The following KIF26B variants were observed in gnomAD, a reference collection of about 807,000 sequenced individuals.
The protein encoded by KIF26B is kinesin-like protein KIF26B.
In KIF26B, 63 loss-of-function variants were observed where a neutral mutation model predicts 151.2. The observed-to-expected ratio is 0.42, with a 90% CI of 0.34 to 0.51. The LOEUF is 0.51. Among genes scored for constraint, KIF26B ranks in the 20% least tolerant of loss-of-function variants. The probability of loss-of-function intolerance (pLI) is 0.07; values close to 1 mark genes in which losing one functional copy is unlikely to be tolerated. For missense variants in KIF26B, 2,813 were observed against 2,913.6 expected (o/e 0.97, Z 0.79); for synonymous variants, 1,357 against 1,262.1 (o/e 1.08, Z -1.59).
chr1:245,221,124 T>G (rs922718940), intron 2 of KIF26B, among the ~76,000 whole-genome samples: 10 of 151,026 alleles, frequency 6.6e-5, no homozygotes, highest in Non-Finnish European at 1.2e-4. Context: ...GGGAAATGAG[T>G]TTTTTTTTCT....
intron 3 of KIF26B, among the ~76,000 whole-genome samples, chr1:245,373,450 A>G (rs1418684053): frequency 2.0e-5 from 3 of 152,236 alleles, no homozygotes; most frequent in Admixed American, 2.0e-4. Flanking sequence ...ATTTGAAAGG[A>G]TAGAAGAGCT....
chr1:245,164,855 C>T (rs1668589447), intron 2 of KIF26B, among the ~76,000 whole-genome samples: 2 of 152,106 alleles, frequency 1.3e-5, no homozygotes, highest in South Asian at 4.1e-4. Flanking sequence ...GGTGGATCAC[C>T]TGAGGTCAGG....
intron 2 of KIF26B, among the ~76,000 whole-genome samples, chr1:245,351,019 A>C (rs755811019): frequency 1.3e-5 from 2 of 152,206 alleles, no homozygotes; most frequent in African/African-American, 2.4e-5. Flanking sequence ...GACTCCTCAC[A>C]TGTATTCTAA....
intron 3 of KIF26B, among the ~76,000 whole-genome samples, chr1:245,401,888 A>C (rs1380221123): frequency 1.4e-4 from 15 of 108,066 alleles, no homozygotes; most frequent in South Asian, 2.6e-4. Context: ...CAAACAAACA[A>C]AGAAACACAC....
At chr1:245,251,020 C>T (rs574689486) in intron 2 of KIF26B, among the ~76,000 whole-genome samples, 1 of 152,314 alleles carries the variant, frequency 6.6e-6, no homozygotes, top group African/African-American at 2.4e-5. Context: ...TTCCAAGAGT[C>T]TTCTCCAGTC....
Position 245,667,968 on chromosome 1 carries a change from T to A in KIF26B, c.2259-16265T>A, listed in dbSNP as rs770512246. 6.6e-6 allele frequency among the ~76,000 whole-genome samples: 1 copy of A among 152,322 alleles called. No homozygotes were observed. The highest frequency in any genetic ancestry group is 2.1e-4 in the South Asian group (1 of 4,822). On this transcript the variant is annotated intron_variant, in intron 10 of 14. Coordinates refer to ENST00000407071, the MANE Select transcript of KIF26B (RefSeq NM_018012.4). This position sits in a 1 kb window ranked among gnomAD's most constrained non-coding sequence, Gnocchi z 4.3. ...TGCAGTGCAGTGGCGCAATCTCAGC[T>A]CACTGCAACTTCCACCTCCCAGGTT... is the stretch of plus-strand genomic sequence containing the variant.
intron 2 of KIF26B, among the ~76,000 whole-genome samples, chr1:245,320,130 G>C (rs1671860246): frequency 6.6e-6 from 1 of 152,188 alleles, no homozygotes; most frequent in South Asian, 2.1e-4. Context: ...TGGAGGTTCA[G>C]AGCAGCAATG....
chr1:245,664,549 A>G (rs2044192829), intron 10 of KIF26B, among the ~76,000 whole-genome samples: 2 of 152,088 alleles, frequency 1.3e-5, no homozygotes, highest in South Asian at 4.2e-4. Flanking sequence ...ACACTTAATT[A>G]TTATTATTTC....
At chr1:245,681,885 T>G (rs1442630131) in intron 10 of KIF26B, among the ~76,000 whole-genome samples, 3 of 152,192 alleles carry the variant, frequency 2.0e-5, no homozygotes, top group Non-Finnish European at 2.9e-5. Context: ...TATTGACCAG[T>G]TGAAGAAACT....
chr1:245,652,145 T>TGTGTGTGTGTGTGTGTGTGGGA (rs368258830), intron 10 of KIF26B, among the ~76,000 whole-genome samples: 1 of 142,658 alleles, frequency 7.0e-6, no homozygotes, highest in African/African-American at 2.8e-5. Context: ...TGTGTGTGTG[T>TGTGTGTGTGTGTGTGTGTGGGA]GAGAGAGACA....
At position 245,698,956 on chromosome 1, in the gene KIF26B, G is replaced by A. The variant is rs996759727; in HGVS notation, c.6097G>A (p.Ala2033Thr). Residue 2033 changes from alanine to threonine, a missense_variant, in exon 14 of 15, where the codon GCG becomes ACG. Transcript: ENST00000407071. This position sits in a 1 kb window ranked among gnomAD's most constrained non-coding sequence, Gnocchi z 4.0. ...CCAGCAGAGGATCGCCGAGGTCCGCGCGAAGTACGAGTGGCTGATGAAGGA... is the reference window on the plus strand; with the variant it reads ...CCAGCAGAGGATCGCCGAGGTCCGCACGAAGTACGAGTGGCTGATGAAGGA... ...HRQQRIAEVR[A>T]KYEWLMKELE... is the part of the protein sequence containing the mutation. 8.7e-6 allele frequency: 14 copies of A among 1,613,912 alleles called. No individual in the cohort carries two copies. Among genetic ancestry groups the A allele is most frequent in the East Asian group, 2.2e-5 (1 of 44,890 alleles).
At chr1:245,388,367 G>A (rs944476137) in intron 3 of KIF26B, among the ~76,000 whole-genome samples, 1 of 152,180 alleles carries the variant, frequency 6.6e-6, no homozygotes, top group Admixed American at 6.5e-5. Context: ...TGAAACTAAA[G>A]TAGCACTTGC....
intron 2 of KIF26B, among the ~76,000 whole-genome samples, chr1:245,311,197 G>T (rs543474215): frequency 6.6e-6 from 1 of 152,196 alleles, no homozygotes; most frequent in Non-Finnish European, 1.5e-5. Context: ...CAGATGACCC[G>T]CATCTCTCGG....
At chr1:245,156,135 G>A in intron 1 of KIF26B, 147 bp from the exon 2 acceptor site, 1 of 1,201,896 alleles carries the variant, frequency 8.3e-7, no homozygotes, top group Non-Finnish European at 1.1e-6. Flanking sequence ...CAGACGGAGG[G>A]CAATTTGGCC....
At chr1:245,294,942 C>A (rs4658454) in intron 2 of KIF26B, among the ~76,000 whole-genome samples, 1 of 151,890 alleles carries the variant, frequency 6.6e-6, no homozygotes, top group Non-Finnish European at 1.5e-5. Flanking sequence ...GGATTACAGG[C>A]GTGAGCCACT....
rs1323710455 is a variant in KIF26B, at chr1:245,708,722, C to T, written c.*6116C>T. The T allele has an allele frequency of 6.6e-6, 1 of 152,200 alleles. No homozygotes were observed. The highest frequency in any genetic ancestry group is 1.5e-5 in the Non-Finnish European group (1 of 68,044). The allele number at this position is 152,200 out of a possible 1,614,324, so 9.4% of individuals were successfully genotyped here. On this transcript the variant is annotated 3_prime_UTR_variant, in exon 15 of 15. Transcript: ENST00000407071. ...TCCGTGATATATTACCTAACTCCTC[C>T]AGAACTCAGTTTTCTAACCTATAAA...
chr1:245,385,065 A>G (rs767484601), intron 3 of KIF26B, among the ~76,000 whole-genome samples: 1 of 152,030 alleles, frequency 6.6e-6, no homozygotes, highest in African/African-American at 2.4e-5. Flanking sequence ...TCTCTTTTGG[A>G]TTTTATCCAT....
In KIF26B at chr1:245,702,589, A is replaced by G. The variant is rs765976935; in HGVS notation, c.6310A>G (p.Thr2104Ala). 1.5e-5 allele frequency: 24 copies of G among 1,613,336 alleles called. No homozygotes were observed. The South Asian group carries it at 2.5e-4, about 17-fold the overall frequency. The change falls in exon 15 of 15, where the codon ACC becomes GCC. Residue 2104 changes from threonine (T) to alanine (A), a missense_variant. Coordinates refer to ENST00000407071, the MANE Select transcript of KIF26B (RefSeq NM_018012.4). This position sits in a 1 kb window ranked among gnomAD's most constrained non-coding sequence, Gnocchi z 4.1. ...HLMMITCFDI[T>A]SRRR is the part of the protein sequence containing the mutation. The stretch of plus-strand genomic sequence containing the variant: ...CATGATGATCACCTGCTTCGACATC[A>G]CCTCCAGGCGCCGGTAGATGAGCCA...
At chr1:245,304,671 G>T (rs1051816752) in intron 2 of KIF26B, among the ~76,000 whole-genome samples, 39 of 149,454 alleles carry the variant, frequency 2.6e-4, no homozygotes, top group Non-Finnish European at 4.5e-5. Context: ...CTGCCTGTCT[G>T]CCTGTCCATC....
Sources: allele counts gnomAD v4.1 joint callset (sites outside exome capture counted in the v4.1 genomes callset), GRCh38; gene constraint gnomAD v4.1.1; non-coding constraint Gnocchi (gnomAD v3.1); transcripts MANE v1.5; gene names NCBI Gene and HGNC (gene_info 2026-07-23, HGNC 2026-07-21).